Variants in CNNM2 observed in about 807,000 individuals in gnomAD.
The protein encoded by CNNM2 is metal transporter CNNM2.
CNNM2 carries 12 observed loss-of-function variants against 66.9 expected under a neutral mutation model. The ratio of observed to expected loss-of-function variants is 0.18; its 90% CI spans 0.11 to 0.29. The LOEUF (loss-of-function observed/expected upper bound fraction) is 0.29, where lower values mean the gene tolerates loss of function less well. Among genes scored for constraint, CNNM2 ranks in the 10% least tolerant of loss-of-function variants. The pLI, the probability that CNNM2 is intolerant of heterozygous loss-of-function variation, is 1.00. For missense variants in CNNM2, 705 were observed against 1,167.7 expected, an observed-to-expected ratio of 0.60 and a Z score of 5.77; for synonymous variants, 557 against 501.8, an observed-to-expected ratio of 1.11 and a Z score of -1.47.
At position 102,941,494 on chromosome 10, in the gene CNNM2, T is replaced by C. The variant is rs77059182; in HGVS notation, c.1621+21393T>C. Among the ~76,000 whole-genome samples the C allele has an allele frequency of 0.015, 2,225 of 152,278 alleles. 33 individuals are homozygous for C. The highest frequency in any genetic ancestry group is 0.022 in the Non-Finnish European group (1,481 of 68,014). ...CAAGGTCCCATGGGATATGGCCCCT[T>C]CTTTGGCTGCATCTCCTACTCCTCC... On this transcript the variant is annotated intron_variant, in intron 1 of 7. Coordinates refer to ENST00000369878, the MANE Select transcript of CNNM2 (RefSeq NM_017649.5).
intron 1 of CNNM2, among the ~76,000 whole-genome samples, chr10:102,923,322 G>T (rs1184436169): frequency 6.6e-6 from 1 of 152,202 alleles, no homozygotes; most frequent in Non-Finnish European, 1.5e-5. Context: ...AGGTACAGGG[G>T]CTGGGGCTTT....
At chr10:102,921,342 T>G (rs1457970290) in intron 1 of CNNM2, among the ~76,000 whole-genome samples, 7 of 152,150 alleles carry the variant, frequency 4.6e-5, no homozygotes. Context: ...CTGAAAAAGG[T>G]GATATGTACC....
At chr10:103,058,221 TTG>T (rs2065326483) in intron 4 of CNNM2, among the ~76,000 whole-genome samples, 1 of 152,072 alleles carries the variant, frequency 6.6e-6, no homozygotes, top group African/African-American at 2.4e-5. Flanking sequence ...TTTTCCTCAA[TTG>T]TTTTTTTTCT....
chr10:103,082,553 G>A lies in CNNM2; in HGVS notation c.*5373G>A, dbSNP rs988892931. ...TGCTTTATTTTATATTATTTATTAT[G>A]TACATATGCCTGTTAGTACTTCGTC... On this transcript the variant is annotated 3_prime_UTR_variant, in exon 8 of 8. Coordinates refer to ENST00000369878, the MANE Select transcript of CNNM2 (RefSeq NM_017649.5). 1 of 152,154 alleles carries A rather than the reference G, an allele frequency of 6.6e-6. No homozygotes were observed. The highest frequency in any genetic ancestry group is 1.5e-5 in the Non-Finnish European group (1 of 68,042). 9.4% of individuals were successfully genotyped at this position (152,154 alleles called of 1,614,324 possible). A position where few individuals can be genotyped will look rare whatever the true frequency, so the allele number is the denominator to read the frequency against.
intron 1 of CNNM2, among the ~76,000 whole-genome samples, chr10:103,047,063 A>G (rs1345392907): frequency 1.3e-5 from 2 of 152,192 alleles, no homozygotes; most frequent in Non-Finnish European, 2.9e-5. Context: ...TATTCCAGGA[A>G]GTAGAGCTTA....
intron 1 of CNNM2, among the ~76,000 whole-genome samples, chr10:102,977,680 G>A (rs971828289): frequency 6.6e-6 from 1 of 152,134 alleles, no homozygotes; most frequent in Admixed American, 6.6e-5. Context: ...AATTAGCCGA[G>A]TGTGGTGGCA....
At chr10:102,962,014 T>C (rs1434208784) in intron 1 of CNNM2, among the ~76,000 whole-genome samples, 1 of 152,212 alleles carries the variant, frequency 6.6e-6, no homozygotes, top group Non-Finnish European at 1.5e-5. Flanking sequence ...AGAAAAATTC[T>C]ACCTTGGTAA....
chr10:102,991,037 A>AGTGCGGTGGTGCGATCTCGGCAGTGT lies in CNNM2; in HGVS notation c.1622-58648_1622-58647insGTGTGTGCGGTGGTGCGATCTCGGCA, dbSNP rs2063889411. Among the ~76,000 whole-genome samples the AGTGCGGTGGTGCGATCTCGGCAGTGT allele has an allele frequency of 5.3e-5, 8 of 152,260 alleles. No homozygotes were observed. The South Asian group carries it at 1.7e-3, about 32-fold the overall frequency. ...ATTCTTGCTCTGTTGCCCAGGCTGGAGTGCGGTGGTGCGATCTCGGCACAC... is the reference window on the plus strand; with the variant it reads ...ATTCTTGCTCTGTTGCCCAGGCTGGAGTGCGGTGGTGCGATCTCGGCAGTGTGTGCGGTGGTGCGATCTCGGCACAC... On this transcript the variant is annotated intron_variant, in intron 1 of 7. Transcript: ENST00000369878.
At chr10:103,019,456 G>C (rs2064527390) in intron 1 of CNNM2, among the ~76,000 whole-genome samples, 2 of 152,112 alleles carry the variant, frequency 1.3e-5, no homozygotes, top group Admixed American at 1.3e-4. Flanking sequence ...CTCTCCTAAG[G>C]CTTTTGGTGT....
chr10:102,990,396 T>G (rs562542692), intron 1 of CNNM2, among the ~76,000 whole-genome samples: 20 of 152,222 alleles, frequency 1.3e-4, no homozygotes, highest in African/African-American at 4.6e-4. Flanking sequence ...ATTGTAGGGA[T>G]TTTGCGTGGG....
At chr10:103,047,301 G>A (rs542677916) in intron 1 of CNNM2, among the ~76,000 whole-genome samples, 16 of 152,228 alleles carry the variant, frequency 1.1e-4, no homozygotes, top group South Asian at 1.0e-3. Context: ...AGCTCAAATC[G>A]GGGGACATTC....
chr10:102,991,365 G>A (rs1379953785), intron 1 of CNNM2, among the ~76,000 whole-genome samples: 1 of 152,116 alleles, frequency 6.6e-6, no homozygotes, highest in Non-Finnish European at 1.5e-5. Context: ...CTTCAAAAGG[G>A]ATGGAAATAA....
In CNNM2 at chr10:103,060,210, A is replaced by G. The variant is rs531658386; in HGVS notation, c.2073+3246A>G. Among the ~76,000 whole-genome samples, 3 of 152,330 alleles carry G rather than the reference A, an allele frequency of 2.0e-5. No individual in the cohort carries two copies. The East Asian group carries it at 5.8e-4, about 29-fold the overall frequency. ...TGTACATGCTAGTAAATACAAAAAGATAGAAATTTCATGAAACTACCTGAA... is the reference window on the plus strand; with the variant it reads ...TGTACATGCTAGTAAATACAAAAAGGTAGAAATTTCATGAAACTACCTGAA... On this transcript the variant is annotated intron_variant, in intron 4 of 7. Transcript: ENST00000369878.
chr10:102,931,126 G>A (rs1564809988), intron 1 of CNNM2, among the ~76,000 whole-genome samples: 2 of 152,148 alleles, frequency 1.3e-5, no homozygotes, highest in Admixed American at 6.5e-5. Context: ...TTAAAAGTGT[G>A]TGAGTCACAA....
intron 1 of CNNM2, among the ~76,000 whole-genome samples, chr10:102,937,384 AT>A (rs1193383058): frequency 6.6e-6 from 1 of 150,572 alleles, no homozygotes; most frequent in Non-Finnish European, 1.5e-5. Context: ...AAAAAAAAAA[AT>A]GTTTTGTTAA....
rs373349307 is a variant in CNNM2 at position 103,062,731 on chromosome 10, C to T, written c.2073+5767C>T. On this transcript the variant is annotated intron_variant, in intron 4 of 7. Coordinates refer to ENST00000369878, the MANE Select transcript of CNNM2 (RefSeq NM_017649.5). ...CCTTTGTGTGTCCAAGATGTCTGCA[C>T]CCTCCAGCCCTTTGCCAAATTTGAG... Among the ~76,000 whole-genome samples the T allele has an allele frequency of 2.4e-4, 36 of 152,310 alleles. 3 individuals are homozygous for T. The highest frequency in any genetic ancestry group is 1.4e-3 in the Admixed American group (22 of 15,298).
chr10:103,046,936 A>C (rs181983612), intron 1 of CNNM2, among the ~76,000 whole-genome samples: 1 of 152,242 alleles, frequency 6.6e-6, no homozygotes, highest in Non-Finnish European at 1.5e-5. Flanking sequence ...AAACCATACC[A>C]GTAGACCTTT....
intron 1 of CNNM2, among the ~76,000 whole-genome samples, chr10:103,006,809 C>A (rs900898436): frequency 5.3e-5 from 8 of 151,778 alleles, no homozygotes; most frequent in Non-Finnish European, 1.2e-4. Flanking sequence ...TTTATTTATT[C>A]ATTTATAGTG....
At chr10:103,030,553 A>T (rs2064803821) in intron 1 of CNNM2, among the ~76,000 whole-genome samples, 1 of 152,176 alleles carries the variant, frequency 6.6e-6, no homozygotes, top group African/African-American at 2.4e-5. Context: ...AGTCTCTACT[A>T]AAAATACAAA....
Sources: gnomAD v4.1 joint callset for allele counts (sites outside exome capture counted in the v4.1 genomes callset) on GRCh38, gnomAD v4.1.1 for gene constraint, MANE v1.5 for transcripts, NCBI Gene and HGNC (gene_info 2026-07-23, HGNC 2026-07-21) for gene names.